ERBB4: variants seen among roughly 807,000 people sequenced by gnomAD.
ERBB4 encodes the protein erb-b2 receptor tyrosine kinase 4.
A neutral mutation model predicts 158.0 loss-of-function variants in ERBB4; 42 were observed. The observed-to-expected ratio is 0.27, with a 90% CI of 0.21 to 0.34. The LOEUF (loss-of-function observed/expected upper bound fraction) is 0.34. ERBB4 is among the 10% of genes least tolerant of loss of function. The probability of loss-of-function intolerance (pLI) is 1.00; values close to 1 mark genes in which losing one functional copy is unlikely to be tolerated. For synonymous variants in ERBB4, 583 were observed against 558.7 expected, an observed-to-expected ratio of 1.04 and a Z score of -0.61; for missense variants, 1,333 against 1,624.1, an observed-to-expected ratio of 0.82 and a Z score of 3.08.
chr2:211,600,124 T>C (rs191287436), intron 19 of ERBB4, among the ~76,000 whole-genome samples: 7 of 152,238 alleles, frequency 4.6e-5, no homozygotes, highest in Non-Finnish European at 1.0e-4. Flanking sequence ...AGGGTACTTA[T>C]TCTTTCATTT....
intron 1 of ERBB4, among the ~76,000 whole-genome samples, chr2:212,256,709 T>C (rs1241618952): frequency 6.6e-6 from 1 of 152,116 alleles, no homozygotes; most frequent in Non-Finnish European, 1.5e-5. Flanking sequence ...TCTGGGCCAA[T>C]GAGGAACAGA....
At chr2:211,600,871 G>A (rs1308489361) in intron 19 of ERBB4, among the ~76,000 whole-genome samples, 2 of 152,034 alleles carry the variant, frequency 1.3e-5, no homozygotes, top group African/African-American at 4.8e-5. Context: ...CAAACTGACA[G>A]ATTTCTCTCT....
At chr2:211,770,315 A>T (rs1223494497) in intron 4 of ERBB4, among the ~76,000 whole-genome samples, 1 of 152,230 alleles carries the variant, frequency 6.6e-6, no homozygotes, top group African/African-American at 2.4e-5. Flanking sequence ...GAAATATGCA[A>T]TACAGAATTT....
intron 1 of ERBB4, among the ~76,000 whole-genome samples, chr2:212,143,153 T>C (rs1012423705): frequency 6.6e-6 from 1 of 152,148 alleles, no homozygotes; most frequent in African/African-American, 2.4e-5. Flanking sequence ...CTCATTGTGA[T>C]TATTTTGCAA....
At chr2:211,427,080 T>C (rs1402514594) in intron 22 of ERBB4, among the ~76,000 whole-genome samples, 1 of 152,056 alleles carries the variant, frequency 6.6e-6, no homozygotes, top group Non-Finnish European at 1.5e-5. Context: ...TTCATGAAAA[T>C]TTTACCACCT....
chr2:211,828,404 T>G (rs1483050048), intron 3 of ERBB4, among the ~76,000 whole-genome samples: 1 of 152,090 alleles, frequency 6.6e-6, no homozygotes, highest in Non-Finnish European at 1.5e-5. Context: ...TACTATCAAA[T>G]TTTCTTCCAG....
At chr2:212,030,359 G>A (rs1304078099) in intron 2 of ERBB4, among the ~76,000 whole-genome samples, 2 of 151,990 alleles carry the variant, frequency 1.3e-5, no homozygotes, top group South Asian at 2.1e-4. Context: ...CCTTCCCATT[G>A]CTGCTACTTT....
At chr2:212,003,211 AAGAAGGAAG>A (rs1559294145) in intron 2 of ERBB4, among the ~76,000 whole-genome samples, 2 of 55,966 alleles carry the variant, frequency 3.6e-5, no homozygotes, top group East Asian at 3.5e-4. Flanking sequence ...GAAAGACAGA[AAGAAGGAAG>A]GAAGGAAGGA....
At chr2:212,363,781 G>A (rs1300523677) in intron 1 of ERBB4, among the ~76,000 whole-genome samples, 2 of 151,676 alleles carry the variant, frequency 1.3e-5, no homozygotes, top group Admixed American at 6.6e-5. Context: ...ACAATTGGTA[G>A]TGTGACAACT....
intron 2 of ERBB4, among the ~76,000 whole-genome samples, chr2:212,059,207 T>C (rs2077679195): frequency 6.6e-6 from 1 of 152,014 alleles, no homozygotes; most frequent in African/African-American, 2.4e-5. Flanking sequence ...TCAAAGAGAA[T>C]AAAACACCTA....
intron 3 of ERBB4, among the ~76,000 whole-genome samples, chr2:211,857,686 A>T (rs185542105): frequency 3.3e-5 from 5 of 152,312 alleles, no homozygotes; most frequent in Admixed American, 3.3e-4. Context: ...TATTTGCCAA[A>T]TTTGAATACA....
chr2:211,376,382 T>A lies in ERBB4; in HGVS notation c.*7233A>T, dbSNP rs185823962. The A allele has an allele frequency of 9.5e-4, 221 of 232,984 alleles. No homozygotes were observed. The highest frequency in any genetic ancestry group is 6.5e-3 in the South Asian group (36 of 5,526). The allele number at this position is 232,984 out of a possible 1,614,324, so 14.4% of individuals were successfully genotyped here. On this transcript the variant is annotated 3_prime_UTR_variant, in exon 28 of 28. Transcript: ENST00000342788. Reference sequence around the variant, plus strand: ...ACTTATTTACAAATGCAACTAGCCATGTCTTTAACAAGCTATAAAAATACT... The same window carrying A: ...ACTTATTTACAAATGCAACTAGCCAAGTCTTTAACAAGCTATAAAAATACT...
chr2:212,310,554 A>G (rs907629443), intron 1 of ERBB4, among the ~76,000 whole-genome samples: 20 of 149,608 alleles, frequency 1.3e-4, no homozygotes, highest in Non-Finnish European at 3.0e-4. Flanking sequence ...CTGTTCCCTA[A>G]GTAATTTTGC....
intron 1 of ERBB4, among the ~76,000 whole-genome samples, chr2:212,383,753 T>C (rs911682785): frequency 5.9e-5 from 9 of 151,664 alleles, no homozygotes; most frequent in African/African-American, 2.2e-4. Flanking sequence ...ACAATTCAGG[T>C]TGAAGTCACA....
At chr2:211,505,511 G>T (rs1052383719) in intron 20 of ERBB4, among the ~76,000 whole-genome samples, 5 of 150,468 alleles carry the variant, frequency 3.3e-5, no homozygotes, top group Middle Eastern at 3.5e-3. Flanking sequence ...AAAAAAACAT[G>T]TAAGTAGAAA....
chr2:211,905,679 T>TATAC (rs1553663450), intron 3 of ERBB4, among the ~76,000 whole-genome samples: 1 of 107,568 alleles, frequency 9.3e-6, no homozygotes, highest in African/African-American at 3.3e-5. Context: ...TATATATATA[T>TATAC]ATACACACAT....
intron 15 of ERBB4, among the ~76,000 whole-genome samples, chr2:211,661,706 T>C (rs1411606671): frequency 1.3e-5 from 2 of 152,106 alleles, no homozygotes; most frequent in Admixed American, 1.3e-4. Context: ...AAAAATTATT[T>C]CATTATATCA....
intron 3 of ERBB4, among the ~76,000 whole-genome samples, chr2:211,938,004 T>C (rs931575381): frequency 6.6e-6 from 1 of 152,172 alleles, no homozygotes; most frequent in African/African-American, 2.4e-5. Context: ...AAGCAATGCA[T>C]GCCATCCAGA....
At chr2:211,450,931 T>C (rs2064231241) in intron 20 of ERBB4, among the ~76,000 whole-genome samples, 1 of 152,200 alleles carries the variant, frequency 6.6e-6, no homozygotes, top group Non-Finnish European at 1.5e-5. Flanking sequence ...TCTCTACCCT[T>C]TAGAACAGTG....
Sources: gnomAD v4.1 joint callset for allele counts (sites outside exome capture counted in the v4.1 genomes callset) on GRCh38, gnomAD v4.1.1 for gene constraint, MANE v1.5 for transcripts, NCBI Gene and HGNC (gene_info 2026-07-23, HGNC 2026-07-21) for gene names.